The following SLC35F1 variants were observed in gnomAD, a reference collection of about 807,000 sequenced individuals.
SLC35F1 encodes chromosome 6 open reading frame 169.
In SLC35F1, 14 loss-of-function variants were observed where a neutral mutation model predicts 48.7. The observed-to-expected ratio is 0.29, with a 90% confidence interval of 0.19 to 0.45. The LOEUF (loss-of-function observed/expected upper bound fraction) is 0.45. Ranked by LOEUF, SLC35F1 falls within the 20% of genes least tolerant of loss-of-function variation. The probability of loss-of-function intolerance (pLI) is 1.00; values close to 1 mark genes in which losing one functional copy is unlikely to be tolerated. For synonymous variants in SLC35F1, 190 were observed against 202.2 expected, an observed-to-expected ratio of 0.94 and a Z score of 0.51; for missense variants, 404 against 500.0, an observed-to-expected ratio of 0.81 and a Z score of 1.83.
intron 1 of SLC35F1, among the ~76,000 whole-genome samples, chr6:118,071,471 T>C (rs1772723168): frequency 6.6e-6 from 1 of 152,086 alleles, no homozygotes; most frequent in South Asian, 2.1e-4. Flanking sequence ...ATTATGGTTG[T>C]TCCTCTCTGG....
At chr6:117,934,418 G>C (rs1582571805) in intron 1 of SLC35F1, among the ~76,000 whole-genome samples, 1 of 152,256 alleles carries the variant, frequency 6.6e-6, no homozygotes, top group African/African-American at 2.4e-5. Context: ...ATTATGATAA[G>C]AGAATGATAA....
At chr6:117,995,398 C>T (rs2114861259) in intron 1 of SLC35F1, among the ~76,000 whole-genome samples, 1 of 152,178 alleles carries the variant, frequency 6.6e-6, no homozygotes, top group South Asian at 2.1e-4. Flanking sequence ...ACACCTAGGA[C>T]CAGACATATG....
At chr6:118,217,462 C>G (rs1275549123) in intron 2 of SLC35F1, among the ~76,000 whole-genome samples, 1 of 152,032 alleles carries the variant, frequency 6.6e-6, no homozygotes, top group Non-Finnish European at 1.5e-5. Context: ...AACAATGGCT[C>G]CTAATGGCCA....
chr6:118,196,839 T>C (rs1183463765), intron 2 of SLC35F1, among the ~76,000 whole-genome samples: 1 of 152,196 alleles, frequency 6.6e-6, no homozygotes, highest in Non-Finnish European at 1.5e-5. Flanking sequence ...CATTTAGGTA[T>C]TTAATTCATT....
At chr6:118,241,428 A>T (rs1375378980) in intron 3 of SLC35F1, among the ~76,000 whole-genome samples, 1 of 152,210 alleles carries the variant, frequency 6.6e-6, no homozygotes, top group Non-Finnish European at 1.5e-5. Context: ...CTGCAATTTC[A>T]TGTGAATCTA....
intron 1 of SLC35F1, among the ~76,000 whole-genome samples, chr6:117,944,390 A>G (rs1459850414): frequency 6.6e-6 from 1 of 152,166 alleles, no homozygotes; most frequent in Non-Finnish European, 1.5e-5. Context: ...GTTGCCAAAC[A>G]TAGTATAAAT....
intron 3 of SLC35F1, among the ~76,000 whole-genome samples, chr6:118,237,143 A>G (rs1347941628): frequency 7.2e-5 from 11 of 152,190 alleles, no homozygotes. Context: ...ATTTTTAAGG[A>G]CCTTGAAAGC....
In SLC35F1 at chr6:117,939,713, G is replaced by A. The variant is rs73517542; in HGVS notation, c.173+31814G>A. On this transcript the variant is annotated intron_variant, in intron 1 of 7. Transcript: ENST00000360388. ...GTTGATGGAAGAGAAAAATAGGGAG[G>A]AGATGGTTTTTTAAAGAAGTGAAAG... Among the ~76,000 whole-genome samples, 1,248 of 152,306 alleles carry A rather than the reference G, an allele frequency of 8.2e-3. 19 individuals carry two copies. The highest frequency in any genetic ancestry group is 0.028 in the African/African-American group (1,180 of 41,574).
At chr6:118,144,958 G>T (rs964550495) in intron 1 of SLC35F1, among the ~76,000 whole-genome samples, 3 of 150,554 alleles carry the variant, frequency 2.0e-5, no homozygotes, top group African/African-American at 7.3e-5. Context: ...TAACAAATTT[G>T]TTGCGGTATA....
chr6:118,003,657 A>G (rs1000546782), intron 1 of SLC35F1, among the ~76,000 whole-genome samples: 4 of 152,232 alleles, frequency 2.6e-5, no homozygotes, highest in South Asian at 2.1e-4. Context: ...TCCTGTTACA[A>G]ACATGAGGTT....
intron 1 of SLC35F1, among the ~76,000 whole-genome samples, chr6:117,968,560 TA>T (rs1333431180): frequency 6.6e-6 from 1 of 152,210 alleles, no homozygotes; most frequent in East Asian, 1.9e-4. Flanking sequence ...AATTGTGCAT[TA>T]AAGTCACAAG....
intron 1 of SLC35F1, among the ~76,000 whole-genome samples, chr6:118,002,596 A>G (rs927861566): frequency 2.0e-5 from 3 of 151,786 alleles, no homozygotes; most frequent in Non-Finnish European, 4.4e-5. Flanking sequence ...AACTTAAAGT[A>G]TAATAATAAT....
At chr6:117,916,900 G>A (rs1368092140) in intron 1 of SLC35F1, among the ~76,000 whole-genome samples, 2 of 152,182 alleles carry the variant, frequency 1.3e-5, no homozygotes, top group East Asian at 3.9e-4. Flanking sequence ...TCAGGTTAGA[G>A]GCACAATCTA....
chr6:117,966,258 C>T (rs187618410), intron 1 of SLC35F1, among the ~76,000 whole-genome samples: 57 of 152,092 alleles, frequency 3.7e-4, no homozygotes, highest in Admixed American at 1.3e-3. Context: ...TCTTTGGGTC[C>T]ACACTGCCTT....
intron 3 of SLC35F1, 21 bp downstream of exon 3, chr6:118,235,657 C>T (rs761498734): frequency 1.2e-6 from 2 of 1,606,654 alleles, no homozygotes; most frequent in African/African-American, 2.7e-5. Flanking sequence ...TTCTTCTTCC[C>T]TTCTCAACTT....
At chr6:118,047,916 A>G (rs1392455425) in intron 1 of SLC35F1, among the ~76,000 whole-genome samples, 1 of 152,142 alleles carries the variant, frequency 6.6e-6, no homozygotes, top group Admixed American at 6.5e-5. Flanking sequence ...TTCCAACACT[A>G]TGTTGAATAG....
intron 2 of SLC35F1, among the ~76,000 whole-genome samples, chr6:118,157,226 C>T (rs1200684016): frequency 6.6e-6 from 1 of 152,018 alleles, no homozygotes; most frequent in Non-Finnish European, 1.5e-5. Context: ...TCAGGGCCCA[C>T]CCTGCCACTC....
At chr6:118,260,273 G>T (rs533510860) in intron 3 of SLC35F1, among the ~76,000 whole-genome samples, 2 of 152,022 alleles carry the variant, frequency 1.3e-5, no homozygotes, top group South Asian at 2.1e-4. Context: ...TTTGAGGATG[G>T]TGAAAAGGTT....
intron 1 of SLC35F1, among the ~76,000 whole-genome samples, chr6:118,057,561 G>C (rs1469725868): frequency 6.6e-6 from 1 of 152,170 alleles, no homozygotes; most frequent in South Asian, 2.1e-4. Flanking sequence ...CTTCTAATTT[G>C]AGAAGAGATT....
Sources: allele counts gnomAD v4.1 joint callset (sites outside exome capture counted in the v4.1 genomes callset), GRCh38; gene constraint gnomAD v4.1.1; transcripts MANE v1.5; gene names NCBI Gene and HGNC (gene_info 2026-07-23, HGNC 2026-07-21).